Variants in FKBP15 observed in about 807,000 individuals in gnomAD.
FKBP15 encodes FK506-binding protein 15.
Under a neutral mutation model 158.1 loss-of-function variants are expected in FKBP15, and 106 were observed. The observed-to-expected ratio is 0.67, with a 90% confidence interval of 0.57 to 0.79. FKBP15 has a LOEUF of 0.79. Among genes scored for constraint, FKBP15 ranks in the 30% least tolerant of loss-of-function variants. FKBP15 has a pLI of 0.00. For missense variants in FKBP15, 1,287 were observed against 1,479.1 expected (o/e 0.87, Z 2.13); for synonymous variants, 547 against 548.6 (o/e 1.00, Z 0.04).
intron 3 of FKBP15, chr9:113,206,833 C>T (rs1346670351): frequency 8.5e-6 from 4 of 470,346 alleles, no homozygotes; most frequent in South Asian, 2.9e-5. Context: ...TCTTCTGCCT[C>T]GGCCTCCCAA....
rs1830037843 is a variant in FKBP15, at chr9:113,162,873, G to T, written c.*3205C>A. On this transcript the variant is annotated 3_prime_UTR_variant, in exon 28 of 28. Transcript: ENST00000238256. Reference sequence around the variant, plus strand: ...TTTCCTTGGTGTGGTCTTGGGCTCTGCTGTGGGCTACTACCTAGCTTACCC... The same window carrying T: ...TTTCCTTGGTGTGGTCTTGGGCTCTTCTGTGGGCTACTACCTAGCTTACCC... The T allele has an allele frequency of 6.2e-7, 1 of 1,612,968 alleles. No homozygotes were observed. Among genetic ancestry groups the T allele is most frequent in the African/African-American group, 1.3e-5 (1 of 74,876 alleles).
At position 113,194,154 on chromosome 9, in the gene FKBP15, C is replaced by T; in HGVS notation, c.880G>A (p.Asp294Asn). The T allele has an allele frequency of 6.2e-7, 1 of 1,610,332 alleles. No homozygotes were observed. The highest frequency in any genetic ancestry group is 8.5e-7 in the Non-Finnish European group (1 of 1,177,884). The change falls in exon 10 of 28, where the codon GAT becomes AAT. Residue 294 changes from aspartate to asparagine, a missense_variant. Coordinates refer to ENST00000238256, the MANE Select transcript of FKBP15 (RefSeq NM_015258.2). ...ACACTGTGACCATCAGAGCCAGAATCTCTGGCAAACTTCACCTAAGGAAAC... is the reference window on the plus strand; with the variant it reads ...ACACTGTGACCATCAGAGCCAGAATTTCTGGCAAACTTCACCTAAGGAAAC... The part of the protein sequence containing the change: ...VEVRRVKFAR[D>N]SGSDGHSVSS...
intron 1 of FKBP15, among the ~76,000 whole-genome samples, chr9:113,217,291 C>A (rs765455938): frequency 2.9e-4 from 43 of 148,798 alleles, no homozygotes; most frequent in Non-Finnish European, 5.2e-4. Flanking sequence ...TGGCTCACTG[C>A]AACCTCTGCC....
rs554098067 is a variant in FKBP15 at position 113,190,588 on chromosome 9, G to T, written c.1066-10C>A. 9.4e-6 allele frequency: 15 copies of T among 1,597,076 alleles called. No individual in the cohort carries two copies. The East Asian group carries it at 3.2e-4, about 34-fold the overall frequency. On this transcript the variant is annotated splice_polypyrimidine_tract_variant and intron_variant, in intron 11 of 27. Coordinates refer to ENST00000238256, the MANE Select transcript of FKBP15 (RefSeq NM_015258.2). Reference sequence around the variant, plus strand: ...TGACTGCATCGGGACTCTAAAAAGAGAGGAAAGTCACAAAAATCACTGTGA... The same window carrying T: ...TGACTGCATCGGGACTCTAAAAAGATAGGAAAGTCACAAAAATCACTGTGA...
chr9:113,168,026 T>C (rs769818436), intron 27 of FKBP15, among the ~76,000 whole-genome samples: 35 of 152,194 alleles, frequency 2.3e-4, no homozygotes, highest in Non-Finnish European at 4.6e-4. Context: ...ATTAACTCAC[T>C]CTGTGGCTTT....
chr9:113,180,449 AT>A (rs1830376297), intron 19 of FKBP15, among the ~76,000 whole-genome samples: 2 of 149,020 alleles, frequency 1.3e-5, no homozygotes, highest in East Asian at 2.0e-4. Flanking sequence ...TGTACTTATA[AT>A]TTTTTTTTAA....
chr9:113,162,742 T>TA lies in FKBP15; in HGVS notation c.*3335dup, dbSNP rs1319464597. On this transcript the variant is annotated 3_prime_UTR_variant, in exon 28 of 28. Transcript: ENST00000238256. ...CCAGGATTAACTTGCTTCTCCTTTT[T>TA]ATCTAGGTGGTATTTGTGTCACTTT... The TA allele has an allele frequency of 6.2e-7, 1 of 1,607,774 alleles. No individual in the cohort carries two copies. The highest frequency in any genetic ancestry group is 1.3e-5 in the African/African-American group (1 of 74,794).
intron 9 of FKBP15, among the ~76,000 whole-genome samples, chr9:113,194,638 CTG>C (rs1262592978): frequency 1.3e-5 from 2 of 152,132 alleles, no homozygotes; most frequent in Non-Finnish European, 2.9e-5. Flanking sequence ...ATTATATTAT[CTG>C]TGTCTGTATA....
chr9:113,176,936 G>A (rs757592838), intron 20 of FKBP15, among the ~76,000 whole-genome samples: 27 of 152,014 alleles, frequency 1.8e-4, no homozygotes, highest in Admixed American at 1.1e-3. Context: ...TCAAAGCCGC[G>A]TGCTTTGATT....
rs1166760431 is a variant in FKBP15 at position 113,178,821 on chromosome 9, G to T, written c.1915-20C>A. On this transcript the variant is annotated intron_variant, in intron 19 of 27. Transcript: ENST00000238256. ...CTTGGCCTGAATAATAACAAAGTAT[G>T]ATGTCACTTTAAACATAGGTGTTCT... is the stretch of plus-strand genomic sequence containing the variant. 7.6e-6 allele frequency: 12 copies of T among 1,587,166 alleles called. No individual in the cohort carries two copies. The highest frequency in any genetic ancestry group is 8.6e-6 in the Non-Finnish European group (10 of 1,166,028).
rs895486244 is a variant in FKBP15, at chr9:113,206,703, C to T, written c.255-125G>A. ...GCCTCTAGGCAGGGACACAGGTGAG[C>T]GGTTTAAAATTTTTTTTTTTTTTTT... On this transcript the variant is annotated intron_variant, in intron 3 of 27. Transcript: ENST00000238256. 10 of 516,378 alleles carry T rather than the reference C, an allele frequency of 1.9e-5. No individual in the cohort carries two copies. The East Asian group carries it at 2.6e-4, about 13-fold the overall frequency. The allele number at this position is 516,378 out of a possible 1,614,324, so 32.0% of individuals were successfully genotyped here.
intron 22 of FKBP15, 87 bp from the exon 23 acceptor site, chr9:113,173,692 G>C (rs1179110695): frequency 7.1e-6 from 10 of 1,409,814 alleles, no homozygotes; most frequent in Admixed American, 2.0e-5. Flanking sequence ...CTTTCAAAAA[G>C]CAAAAGAATA....
chr9:113,200,457 G>T (rs1035609278), intron 6 of FKBP15, among the ~76,000 whole-genome samples: 2 of 152,008 alleles, frequency 1.3e-5, no homozygotes, highest in African/African-American at 4.8e-5. Context: ...TAGAAAGAAG[G>T]GCATTTAAAA....
chr9:113,202,564 C>G lies in FKBP15; in HGVS notation c.465G>C (p.Glu155Asp), dbSNP rs1414613048. 1 of 1,585,232 alleles carries G rather than the reference C, an allele frequency of 6.3e-7. No homozygotes were observed. The highest frequency in any genetic ancestry group is 8.6e-7 in the Non-Finnish European group (1 of 1,164,590). Reference sequence around the variant, plus strand: ...TGAACTCCACAGCAGCCTTTTCCGACTCAAACATGATGGACCAGTTCTGTC... The same window carrying G: ...TGAACTCCACAGCAGCCTTTTCCGAGTCAAACATGATGGACCAGTTCTGTC... ...DQRQNWSIMFESEKAAVEFNK... is the reference protein window; with the variant it reads ...DQRQNWSIMFDSEKAAVEFNK... The change falls in exon 6 of 28, where the codon GAG (glutamate) becomes GAC (aspartate). Residue 155 changes from glutamate to aspartate, a missense_variant. By Grantham distance (45) the Glu-to-Asp change is conservative. Transcript: ENST00000238256.
intron 6 of FKBP15, among the ~76,000 whole-genome samples, chr9:113,201,316 GA>G (rs1830788059): frequency 6.6e-6 from 1 of 151,850 alleles, no homozygotes; most frequent in South Asian, 2.1e-4. Context: ...ATGTAGGGGG[GA>G]AAAAAGGACA....
rs1014206193 is a variant in FKBP15, at chr9:113,169,939, C to T, written c.2770G>A (p.Val924Met). The T allele has an allele frequency of 2.0e-6, 3 of 1,538,426 alleles. No individual in the cohort carries two copies. The highest frequency in any genetic ancestry group is 1.2e-5 in the South Asian group (1 of 83,162). Residue 924 changes from valine to methionine, a missense_variant, in exon 26 of 28, where the codon GTG becomes ATG. Val to Met is a conservative substitution (Grantham distance 21). Transcript: ENST00000238256. ...TGTTGGTTTAACAGCTGAAGAGTCACCATCTATTCAAAAGCCAAGGAAGAG... is the reference window on the plus strand; with the variant it reads ...TGTTGGTTTAACAGCTGAAGAGTCATCATCTATTCAAAAGCCAAGGAAGAG... Reference protein sequence around the residue: ...LGTIMNTIKMVTLQLLNQQEQ... With the variant: ...LGTIMNTIKMMTLQLLNQQEQ...
Position 113,163,668 on chromosome 9 carries a change from C to CTGAT in FKBP15, c.*2406_*2409dup, listed in dbSNP as rs35913692. ...TGCTTTCAGGCTCCTGGTTTATTCT[C>CTGAT]TGATAGACTGAGCTCCTTCCACCAG... On this transcript the variant is annotated 3_prime_UTR_variant, in exon 28 of 28. Coordinates refer to ENST00000238256, the MANE Select transcript of FKBP15 (RefSeq NM_015258.2). 20,846 of 152,156 alleles carry CTGAT rather than the reference C, an allele frequency of 0.14. 1,849 individuals carry two copies. Among genetic ancestry groups the CTGAT allele is most frequent in the Non-Finnish European group, 0.19 (12,624 of 67,938 alleles). 9.4% of individuals were successfully genotyped at this position (152,156 alleles called of 1,614,324 possible).
intron 6 of FKBP15, 100 bp downstream of exon 6, chr9:113,202,431 A>C: frequency 1.1e-6 from 1 of 879,352 alleles, no homozygotes; most frequent in Non-Finnish European, 1.7e-6. Flanking sequence ...AGTCACTAAC[A>C]AAACACAGCA....
intron 4 of FKBP15, among the ~76,000 whole-genome samples, chr9:113,203,370 T>C (rs768549057): frequency 6.6e-6 from 1 of 152,128 alleles, no homozygotes; most frequent in Non-Finnish European, 1.5e-5. Flanking sequence ...ATAAAATACA[T>C]GTTCATTATA....
Sources: gnomAD v4.1 joint callset for allele counts (sites outside exome capture counted in the v4.1 genomes callset) on GRCh38, gnomAD v4.1.1 for gene constraint, MANE v1.5 for transcripts, NCBI Gene and HGNC (gene_info 2026-07-23, HGNC 2026-07-21) for gene names.